HOOK3: variants seen among roughly 807,000 people sequenced by gnomAD.
HOOK3 encodes the protein hook microtubule tethering protein 3, also known as protein Hook homolog 3.
In HOOK3, 24 loss-of-function variants were observed where a neutral mutation model predicts 116.3. The ratio of observed to expected loss-of-function variants is 0.21; its 90% confidence interval spans 0.15 to 0.29. The LOEUF (loss-of-function observed/expected upper bound fraction) is 0.29. HOOK3 is among the 10% of genes least tolerant of loss of function. HOOK3 has a pLI of 1.00. For synonymous variants in HOOK3, 275 were observed against 283.0 expected (o/e 0.97, Z 0.28); for missense variants, 632 against 830.2 (o/e 0.76, Z 2.93).
intron 15 of HOOK3, among the ~76,000 whole-genome samples, chr8:42,996,385 C>CAAAAAAAAAA (rs529268164): frequency 1.8e-5 from 1 of 55,944 alleles, no homozygotes; most frequent in Admixed American, 2.1e-4. Context: ...GACTCCGTCT[C>CAAAAAAAAAA]AAAAAAAAAA....
chr8:43,011,153 C>T (rs550370558), intron 19 of HOOK3, among the ~76,000 whole-genome samples: 160 of 152,128 alleles, frequency 1.1e-3, no homozygotes, highest in African/African-American at 3.6e-3. Flanking sequence ...CCACCACACT[C>T]GGCTAATTTT....
chr8:42,909,756 T>A (rs1008780629), intron 2 of HOOK3, among the ~76,000 whole-genome samples: 1 of 152,164 alleles, frequency 6.6e-6, no homozygotes, highest in Non-Finnish European at 1.5e-5. Flanking sequence ...TAAAACAACA[T>A]GCCCATGTCC....
At chr8:42,966,679 A>T (rs1808638721) in intron 10 of HOOK3, 66 bp downstream of exon 10, 1 of 1,543,878 alleles carries the variant, frequency 6.5e-7, no homozygotes, top group East Asian at 2.3e-5. Flanking sequence ...AGGGTTTCTG[A>T]GGATCTAGCA....
At chr8:42,938,652 A>G (rs921047542) in intron 4 of HOOK3, among the ~76,000 whole-genome samples, 21 of 152,084 alleles carry the variant, frequency 1.4e-4, no homozygotes. Flanking sequence ...TCACTTGTGA[A>G]GCTTAGTTTG....
At chr8:43,007,058 ACT>A (rs1439642169) in intron 17 of HOOK3, among the ~76,000 whole-genome samples, 1 of 114,294 alleles carries the variant, frequency 8.7e-6, no homozygotes, top group African/African-American at 3.6e-5. Flanking sequence ...ATGGAGTCTC[ACT>A]CTGTCATCCA....
chr8:42,997,046 T>TA (rs969063489), intron 15 of HOOK3, among the ~76,000 whole-genome samples: 11 of 151,914 alleles, frequency 7.2e-5, no homozygotes, highest in African/African-American at 2.4e-4. Flanking sequence ...AGCTGGGACT[T>TA]ACAGGTGCTT....
rs899580379 is a variant in HOOK3, at chr8:42,974,156, G to C, written c.1283G>C (p.Arg428Pro). 2.5e-6 allele frequency: 4 copies of C among 1,613,858 alleles called. No homozygotes were observed. The highest frequency in any genetic ancestry group is 2.5e-6 in the Non-Finnish European group (3 of 1,179,862). The change falls in exon 13 of 22, where the codon CGT becomes CCT. Residue 428 changes from arginine to proline, a missense_variant. Arg to Pro is a moderately radical substitution (Grantham distance 103). Coordinates refer to ENST00000307602, the MANE Select transcript of HOOK3 (RefSeq NM_032410.4). ...DSLKETIEEL[R>P]CVQAQEGQLT... is the part of the protein sequence containing the mutation. ...CTGAAGGAAACCATTGAAGAGCTTC[G>C]TTGTGTACAAGCTCAAGAAGGGCAG...
chr8:42,990,387 C>CTGGAATGCA (rs1367353356), intron 15 of HOOK3, among the ~76,000 whole-genome samples: 2 of 114,036 alleles, frequency 1.8e-5, no homozygotes, highest in Admixed American at 1.3e-4. Flanking sequence ...TTCACCCAGG[C>CTGGAATGCA]TGGAATGCAG....
intron 21 of HOOK3, among the ~76,000 whole-genome samples, chr8:43,016,369 C>G (rs1809716217): frequency 6.6e-6 from 1 of 152,158 alleles, no homozygotes; most frequent in Non-Finnish European, 1.5e-5. Context: ...ATCCACCCTC[C>G]TCGGCCTCCC....
intron 11 of HOOK3, among the ~76,000 whole-genome samples, chr8:42,969,875 C>T (rs986198436): frequency 6.6e-6 from 1 of 152,118 alleles, no homozygotes; most frequent in Admixed American, 6.5e-5. Flanking sequence ...TTATCACTTG[C>T]ACATATTTTT....
At chr8:42,920,956 C>T (rs1200898219) in intron 2 of HOOK3, among the ~76,000 whole-genome samples, 1 of 151,994 alleles carries the variant, frequency 6.6e-6, no homozygotes, top group Non-Finnish European at 1.5e-5. Flanking sequence ...TGTTGTCTTC[C>T]CTTCTGAACT....
At chr8:42,946,763 C>CTTTTTTTTTTTTTTTTT (rs34564365) in intron 5 of HOOK3, among the ~76,000 whole-genome samples, 8 of 73,956 alleles carry the variant, frequency 1.1e-4, no homozygotes, top group Non-Finnish European at 1.7e-4. Flanking sequence ...CTCTTTCTTT[C>CTTTTTTTTTTTTTTTTT]TTTTTTTTTT....
chr8:42,941,190 G>T (rs923032793), intron 4 of HOOK3, among the ~76,000 whole-genome samples: 1 of 150,560 alleles, frequency 6.6e-6, no homozygotes, highest in African/African-American at 2.4e-5. Context: ...CAGGTGATCC[G>T]CCCGCCTTGG....
chr8:42,903,188 T>C (rs368257343), intron 1 of HOOK3, among the ~76,000 whole-genome samples: 4 of 152,280 alleles, frequency 2.6e-5, no homozygotes, highest in East Asian at 1.9e-4. Flanking sequence ...GATCCTCTTA[T>C]CAGCTTTCCC....
chr8:42,996,892 A>ATT (rs1809279584), intron 15 of HOOK3, among the ~76,000 whole-genome samples: 1 of 96,010 alleles, frequency 1.0e-5, no homozygotes, highest in Non-Finnish European at 2.1e-5. Context: ...GAGGGCAGGG[A>ATT]TCTTTTTTTT....
At chr8:42,993,522 G>C (rs1374037513) in intron 15 of HOOK3, among the ~76,000 whole-genome samples, 2 of 152,146 alleles carry the variant, frequency 1.3e-5, no homozygotes, top group African/African-American at 4.8e-5. Flanking sequence ...TTGCCACATA[G>C]AATGAGTTTG....
rs955343229 is a variant in HOOK3 at position 42,937,369 on chromosome 8, T to C, written c.268-5944T>C. On this transcript the variant is annotated intron_variant, in intron 4 of 21. Coordinates refer to ENST00000307602, the MANE Select transcript of HOOK3 (RefSeq NM_032410.4). The stretch of plus-strand genomic sequence containing the variant: ...ATTCATTGATTTTTTTTTTTTTTTT[T>C]GGAAGGGTTTTTCATGTCCTTCAGT... Among the ~76,000 whole-genome samples, 22 of 146,348 alleles carry C rather than the reference T, an allele frequency of 1.5e-4. 1 individual carries two copies. The highest frequency in any genetic ancestry group is 2.6e-4 in the Non-Finnish European group (17 of 66,396).
At chr8:42,899,075 C>T (rs902644436) in intron 1 of HOOK3, among the ~76,000 whole-genome samples, 1 of 152,084 alleles carries the variant, frequency 6.6e-6, no homozygotes, top group African/African-American at 2.4e-5. Flanking sequence ...TAAGTTAAAC[C>T]ATCCTAAGTT....
At chr8:42,956,129 C>T (rs1808429090) in intron 6 of HOOK3, among the ~76,000 whole-genome samples, 1 of 152,098 alleles carries the variant, frequency 6.6e-6, no homozygotes, top group Non-Finnish European at 1.5e-5. Context: ...TTGAGTCTCT[C>T]CCTGACAGTT....
Sources: gnomAD v4.1 joint callset for allele counts (sites outside exome capture counted in the v4.1 genomes callset) on GRCh38, gnomAD v4.1.1 for gene constraint, MANE v1.5 for transcripts, NCBI Gene and HGNC (gene_info 2026-07-23, HGNC 2026-07-21) for gene names.